The following RBFOX1 variants were observed in gnomAD, a reference collection of about 807,000 sequenced individuals.
RBFOX1 encodes the protein RNA binding fox-1 homolog 1.
A neutral mutation model predicts 57.7 loss-of-function variants in RBFOX1; 8 were observed. The observed-to-expected ratio is 0.14, with a 90% CI of 0.08 to 0.25. The LOEUF (loss-of-function observed/expected upper bound fraction) is 0.25. Among genes scored for constraint, RBFOX1 ranks in the 10% least tolerant of loss-of-function variants. The probability of loss-of-function intolerance (pLI) is 1.00; values close to 1 mark genes in which losing one functional copy is unlikely to be tolerated. For missense variants in RBFOX1, 611 were observed against 548.5 expected, an observed-to-expected ratio of 1.11 and a Z score of -1.14; for synonymous variants, 326 against 222.4, an observed-to-expected ratio of 1.47 and a Z score of -4.15.
chr16:5,356,157 G>C (rs2065383212), intron 1 of RBFOX1, among the ~76,000 whole-genome samples: 1 of 152,176 alleles, frequency 6.6e-6, no homozygotes, highest in Non-Finnish European at 1.5e-5. Flanking sequence ...GCAGGTGGAT[G>C]CAGAGACTGG....
chr16:5,775,752 T>C (rs1470500228), intron 3 of RBFOX1, among the ~76,000 whole-genome samples: 1 of 152,242 alleles, frequency 6.6e-6, no homozygotes, highest in African/African-American at 2.4e-5. Flanking sequence ...AATGCTGCAA[T>C]GTCCACTAAC....
intron 3 of RBFOX1, among the ~76,000 whole-genome samples, chr16:6,785,194 A>G (rs1355303524): frequency 6.6e-6 from 1 of 152,176 alleles, no homozygotes; most frequent in Non-Finnish European, 1.5e-5. Context: ...TCTGGAGAAA[A>G]AAAATGACAA....
intron 2 of RBFOX1, among the ~76,000 whole-genome samples, chr16:5,592,614 C>T (rs1414089612): frequency 6.6e-6 from 1 of 152,122 alleles, no homozygotes; most frequent in Admixed American, 6.5e-5. Context: ...TGGGGTTTCA[C>T]CATGTTGGCT....
chr16:6,581,553 G>A (rs998667147), intron 2 of RBFOX1, among the ~76,000 whole-genome samples: 3 of 152,170 alleles, frequency 2.0e-5, no homozygotes, highest in Non-Finnish European at 4.4e-5. Context: ...GTGCCAACAG[G>A]GGATGGCCCC....
chr16:6,444,937 G>C (rs558830695), intron 2 of RBFOX1, among the ~76,000 whole-genome samples: 5 of 152,240 alleles, frequency 3.3e-5, no homozygotes, highest in African/African-American at 1.2e-4. Context: ...TCTGAAGGCT[G>C]AGTGGAGAAT....
chr16:5,589,831 G>C (rs550442411), intron 2 of RBFOX1, among the ~76,000 whole-genome samples: 1 of 152,156 alleles, frequency 6.6e-6, no homozygotes, highest in African/African-American at 2.4e-5. Context: ...GTGACCCCCA[G>C]TGCAGCTCTC....
chr16:7,187,203 C>G (rs2084074086), intron 4 of RBFOX1, among the ~76,000 whole-genome samples: 1 of 151,618 alleles, frequency 6.6e-6, no homozygotes, highest in Non-Finnish European at 1.5e-5. Context: ...AAATGTAGCT[C>G]TCTAGTCATT....
rs1257902394 is a variant in RBFOX1 at position 7,518,284 on chromosome 16, G to C, written c.165G>C (p.Gln55His). The C allele has an allele frequency of 6.2e-7, 1 of 1,614,114 alleles. No individual in the cohort carries two copies. The stretch of plus-strand genomic sequence containing the variant: ...ACCCCGCGCCAGAGTACACAGGCCA[G>C]ACCACGGTTCCCGAGCACACATTAA... ...HPHPAPEYTGQTTVPEHTLNL... is the reference protein window; with the variant it reads ...HPHPAPEYTGHTTVPEHTLNL... The change falls in exon 5 of 16, where the codon CAG (glutamine) becomes CAC (histidine). Residue 55 changes from glutamine to histidine, a missense_variant. Around this residue, in one of 3 missense-constraint regions of RBFOX1, gnomAD observed 245 missense variants for 159.1 expected, o/e 1.54. Coordinates refer to ENST00000550418, the MANE Select transcript of RBFOX1 (RefSeq NM_018723.4).
rs531211297 is a variant in RBFOX1 at position 6,684,180 on chromosome 16, C to G, written c.-16+29530C>G. Among the ~76,000 whole-genome samples, 105 of 152,230 alleles carry G rather than the reference C, an allele frequency of 6.9e-4. 2 individuals carry two copies. Among genetic ancestry groups the G allele is most frequent in the African/African-American group, 2.4e-3 (98 of 41,534 alleles). On this transcript the variant is annotated intron_variant, in intron 3 of 15. Transcript: ENST00000550418. Reference sequence around the variant, plus strand: ...CGACTTTAGGATCTGATGTTAAACGCAAGGATGTACGCAAATGTTTATTAG... The same window carrying G: ...CGACTTTAGGATCTGATGTTAAACGGAAGGATGTACGCAAATGTTTATTAG...
intron 13 of RBFOX1, among the ~76,000 whole-genome samples, chr16:7,670,695 G>C (rs1013440027): frequency 6.6e-6 from 1 of 152,184 alleles, no homozygotes; most frequent in African/African-American, 2.4e-5. Context: ...AACTGGAAAG[G>C]CAGGCTATGT....
chr16:7,229,124 AG>A (rs2093331416), intron 4 of RBFOX1, among the ~76,000 whole-genome samples: 1 of 152,218 alleles, frequency 6.6e-6, no homozygotes, highest in African/African-American at 2.4e-5. Context: ...CAAGTAGTCA[AG>A]TAAGAAGCAA....
chr16:5,580,508 C>G (rs557557097), intron 2 of RBFOX1, among the ~76,000 whole-genome samples: 34 of 152,336 alleles, frequency 2.2e-4, no homozygotes, highest in African/African-American at 7.5e-4. Context: ...AGGCGGCCAG[C>G]TGGGTGTGCC....
chr16:5,890,734 G>A (rs2058027313), intron 4 of RBFOX1, among the ~76,000 whole-genome samples: 1 of 149,806 alleles, frequency 6.7e-6, no homozygotes, highest in South Asian at 2.1e-4. Context: ...GAAGGTGCTG[G>A]TCTTCAGCCC....
chr16:7,257,091 A>G lies in RBFOX1; in HGVS notation c.27+204993A>G, dbSNP rs137958336. On this transcript the variant is annotated intron_variant, in intron 4 of 15. Transcript: ENST00000550418. ...GTGTGTGTCTAGAGCCGGGCTTTGC[A>G]TGCCATCGTCCTTCAGTGAACAGTT... Among the ~76,000 whole-genome samples the G allele has an allele frequency of 2.6e-5, 4 of 152,236 alleles. No homozygotes were observed. In the East Asian group the frequency reaches 5.8e-4, roughly 22 times the overall value.
intron 3 of RBFOX1, among the ~76,000 whole-genome samples, chr16:5,837,873 T>C (rs1284772270): frequency 1.3e-5 from 2 of 152,050 alleles, no homozygotes; most frequent in African/African-American, 4.8e-5. Flanking sequence ...AATAAATCCT[T>C]GAGTTGGCTG....
At chr16:6,443,121 C>T (rs1350585628) in intron 2 of RBFOX1, among the ~76,000 whole-genome samples, 1 of 152,120 alleles carries the variant, frequency 6.6e-6, no homozygotes, top group Non-Finnish European at 1.5e-5. Context: ...CCCTGAACAC[C>T]TACTGCCTGT....
intron 12 of RBFOX1, among the ~76,000 whole-genome samples, chr16:7,654,815 T>G (rs972315455): frequency 4.6e-5 from 7 of 152,154 alleles, no homozygotes; most frequent in Admixed American, 6.5e-5. Context: ...CATTTTTGGT[T>G]GTCACAACAG....
chr16:6,791,168 A>C (rs904884305), intron 3 of RBFOX1, among the ~76,000 whole-genome samples: 1 of 151,986 alleles, frequency 6.6e-6, no homozygotes, highest in Non-Finnish European at 1.5e-5. Context: ...CAGCCTCCCA[A>C]AGTGCTGGGG....
chr16:7,525,233 C>T (rs2078428953), intron 5 of RBFOX1, among the ~76,000 whole-genome samples: 1 of 152,128 alleles, frequency 6.6e-6, no homozygotes, highest in Non-Finnish European at 1.5e-5. Context: ...CCTACTTTGG[C>T]ACCTGCTTTA....
Sources: gnomAD v4.1 joint callset for allele counts (sites outside exome capture counted in the v4.1 genomes callset) on GRCh38, gnomAD v4.1.1 for gene constraint, gnomAD v4.1.1 regional missense constraint, MANE v1.5 for transcripts, NCBI Gene and HGNC (gene_info 2026-07-23, HGNC 2026-07-21) for gene names.